The following DPYD variants were observed in gnomAD, a reference collection of about 807,000 sequenced individuals.
DPYD encodes dihydropyrimidine dehydrogenase, also known as dihydropyrimidine dehydrogenase [NADP(+)].
In DPYD, 109 loss-of-function variants were observed where a neutral mutation model predicts 116.2. The observed-to-expected ratio is 0.94, with a 90% CI of 0.80 to 1.10. The LOEUF is 1.10. Among genes scored for constraint, DPYD ranks in the 50% least tolerant of loss-of-function variants. The pLI, the probability that DPYD is intolerant of heterozygous loss-of-function variation, is 0.00. For synonymous variants in DPYD, 440 were observed against 432.0 expected (o/e 1.02, Z -0.23); for missense variants, 1,302 against 1,254.5 (o/e 1.04, Z -0.57).
chr1:97,368,100 A>C (rs1431163943), intron 16 of DPYD, among the ~76,000 whole-genome samples: 2 of 152,118 alleles, frequency 1.3e-5, no homozygotes, highest in African/African-American at 2.4e-5. Flanking sequence ...CAGAAGGAAT[A>C]ATAATTGTAT....
At chr1:97,830,574 G>A (rs1669489467) in intron 2 of DPYD, among the ~76,000 whole-genome samples, 1 of 152,128 alleles carries the variant, frequency 6.6e-6, no homozygotes, top group Non-Finnish European at 1.5e-5. Flanking sequence ...AGCTGGGCAT[G>A]GTGGGTGCAC....
At chr1:97,820,325 A>T (rs1357793269) in intron 3 of DPYD, among the ~76,000 whole-genome samples, 1 of 152,126 alleles carries the variant, frequency 6.6e-6, no homozygotes. Context: ...AAGCTGAAAA[A>T]CTACCTCTTT....
At chr1:97,349,589 A>G (rs969123350) in intron 16 of DPYD, among the ~76,000 whole-genome samples, 1 of 151,996 alleles carries the variant, frequency 6.6e-6, no homozygotes, top group Non-Finnish European at 1.5e-5. Context: ...GAGTGAGAAA[A>G]TGCGGTGTTT....
chr1:97,470,709 G>A (rs1677599108), intron 13 of DPYD, among the ~76,000 whole-genome samples: 1 of 152,164 alleles, frequency 6.6e-6, no homozygotes, highest in African/African-American at 2.4e-5. Context: ...TAAGATTTCT[G>A]AACTAGGGCC....
chr1:97,376,887 G>GTGTGTGTGTGTGTGTGTGTGTATATATA lies in DPYD; in HGVS notation c.1975-3244_1975-3243insTATATATACACACACACACACACACACA. 1.3e-4 allele frequency among the ~76,000 whole-genome samples: 17 copies of GTGTGTGTGTGTGTGTGTGTGTATATATA among 128,446 alleles called. No individual in the cohort carries two copies. In the East Asian group the frequency reaches 1.8e-3, roughly 14 times the overall value. 84.3% of individuals were successfully genotyped at this position (128,446 alleles called of 152,430 possible). A position where few individuals can be genotyped will look rare whatever the true frequency, so the allele number is the denominator to read the frequency against. ...AGTTTGTGTGTGTGTGTGTGTGTGT[G>GTGTGTGTGTGTGTGTGTGTGTATATATA]TATATATATATATATGGTGTGGACT... On this transcript the variant is annotated intron_variant, in intron 15 of 22. Coordinates refer to ENST00000370192, the MANE Select transcript of DPYD (RefSeq NM_000110.4).
At chr1:97,646,209 A>G (rs1376218563) in intron 8 of DPYD, among the ~76,000 whole-genome samples, 1 of 152,162 alleles carries the variant, frequency 6.6e-6, no homozygotes, top group African/African-American at 2.4e-5. Flanking sequence ...AGTGCAGTGC[A>G]GAATCCTCCT....
intron 18 of DPYD, among the ~76,000 whole-genome samples, chr1:97,270,263 T>A (rs1664493803): frequency 6.6e-6 from 1 of 152,144 alleles, no homozygotes; most frequent in South Asian, 2.1e-4. Flanking sequence ...AGGAAAGATA[T>A]ATGGTCATCT....
intron 3 of DPYD, among the ~76,000 whole-genome samples, chr1:97,752,329 C>A (rs1307859712): frequency 1.3e-5 from 2 of 151,212 alleles, no homozygotes; most frequent in Non-Finnish European, 1.5e-5. Context: ...CACACATACA[C>A]ACATACATTA....
chr1:97,656,737 T>G (rs1658925620), intron 8 of DPYD, among the ~76,000 whole-genome samples: 1 of 152,120 alleles, frequency 6.6e-6, no homozygotes, highest in African/African-American at 2.4e-5. Flanking sequence ...TTAAATGAAA[T>G]CCTCATTAAA....
chr1:97,818,038 C>A (rs747702740), intron 3 of DPYD, among the ~76,000 whole-genome samples: 1 of 151,954 alleles, frequency 6.6e-6, no homozygotes, highest in Non-Finnish European at 1.5e-5. Flanking sequence ...CCTTAATATA[C>A]AATCTTTTGA....
intron 13 of DPYD, among the ~76,000 whole-genome samples, chr1:97,498,945 G>C (rs1679423765): frequency 6.6e-6 from 1 of 151,678 alleles, no homozygotes; most frequent in Non-Finnish European, 1.5e-5. Context: ...GATTTATAAA[G>C]AGTTCTTCTC....
chr1:97,817,106 C>T (rs1984091), intron 3 of DPYD, among the ~76,000 whole-genome samples: 115,173 of 152,006 alleles, frequency 0.76, 44,041 homozygotes, highest in East Asian at 0.98. Flanking sequence ...AACACAGCCA[C>T]ATCAACACAG....
At chr1:97,342,528 A>G (rs993519359) in intron 16 of DPYD, among the ~76,000 whole-genome samples, 2 of 152,202 alleles carry the variant, frequency 1.3e-5, no homozygotes, top group African/African-American at 4.8e-5. Flanking sequence ...GGAATTAATC[A>G]ATGTACAGCC....
intron 18 of DPYD, among the ~76,000 whole-genome samples, chr1:97,297,229 C>G (rs1225713157): frequency 2.0e-5 from 3 of 152,108 alleles, no homozygotes; most frequent in Non-Finnish European, 2.9e-5. Flanking sequence ...GTTAAGCTGG[C>G]CTGACCAAAT....
In DPYD at chr1:97,679,132, CA is replaced by C. The variant is rs1660305188; in HGVS notation, c.812del (p.Leu271Ter). ...AAGCAGCTTTGTAGCCTTTTTCTTT[CA>C]AAGTGCTAAGAGTCATTTCATTCAC... ...LSVNEMTLSTLKEKGYKAAFI... is the reference protein window; with the variant it reads ...LSVNEMTLSTXKEKGYKAAFI... On this transcript the variant is annotated frameshift_variant, in exon 8 of 23. Transcript: ENST00000370192. LOFTEE classifies it high-confidence loss of function. 1 of 1,587,770 alleles carries C rather than the reference CA, an allele frequency of 6.3e-7. No homozygotes were observed. Among genetic ancestry groups the C allele is most frequent in the East Asian group, 2.2e-5 (1 of 44,550 alleles).
chr1:97,396,511 A>G (rs1488190235), intron 14 of DPYD, among the ~76,000 whole-genome samples: 1 of 152,034 alleles, frequency 6.6e-6, no homozygotes, highest in Non-Finnish European at 1.5e-5. Flanking sequence ...CATACCATCT[A>G]AGCTAGACCA....
At chr1:97,449,473 A>T (rs1435527672) in intron 14 of DPYD, among the ~76,000 whole-genome samples, 2 of 152,136 alleles carry the variant, frequency 1.3e-5, no homozygotes, top group African/African-American at 4.8e-5. Context: ...AATGAATGAC[A>T]TTAAGGATCA....
intron 16 of DPYD, among the ~76,000 whole-genome samples, chr1:97,318,177 G>A (rs536843587): frequency 0.017 from 2,239 of 129,382 alleles, no homozygotes; most frequent in Non-Finnish European, 0.025. Context: ...ATCAACTAAC[G>A]AGCAAAATCA....
chr1:97,654,615 A>G (rs762006026), intron 8 of DPYD, among the ~76,000 whole-genome samples: 16 of 152,210 alleles, frequency 1.1e-4, no homozygotes, highest in Non-Finnish European at 2.1e-4. Context: ...GCAAAAGCAT[A>G]CCAATAGAAA....
Sources: gnomAD v4.1 joint callset for allele counts (sites outside exome capture counted in the v4.1 genomes callset) on GRCh38, gnomAD v4.1.1 for gene constraint, MANE v1.5 for transcripts, NCBI Gene and HGNC (gene_info 2026-07-23, HGNC 2026-07-21) for gene names.